The following AGAP1 variants were observed in gnomAD, a reference collection of about 807,000 sequenced individuals.
The protein encoded by AGAP1 is arf-GAP with GTPase, ANK repeat and PH domain-containing protein 1.
Under a neutral mutation model 105.3 loss-of-function variants are expected in AGAP1, and 29 were observed. That is an observed-to-expected ratio of 0.28 (90% CI 0.21 to 0.38). The LOEUF (loss-of-function observed/expected upper bound fraction) is 0.38. AGAP1 is among the 10% of genes least tolerant of loss of function. AGAP1 has a pLI of 1.00. For missense variants in AGAP1, 998 were observed against 1,165.1 expected, an observed-to-expected ratio of 0.86 and a Z score of 2.09; for synonymous variants, 509 against 485.9, an observed-to-expected ratio of 1.05 and a Z score of -0.63.
rs557808969 is a variant in AGAP1 at position 236,055,495 on chromosome 2, C to G, written c.2114+6214C>G. Among the ~76,000 whole-genome samples the G allele has an allele frequency of 6.6e-6, 1 of 152,336 alleles. No homozygotes were observed. Among genetic ancestry groups the G allele is most frequent in the South Asian group, 2.1e-4 (1 of 4,824 alleles). On this transcript the variant is annotated intron_variant, in intron 16 of 17. Coordinates refer to ENST00000304032, the MANE Select transcript of AGAP1 (RefSeq NM_001037131.3). The surrounding 1 kb of genome is among the most constrained non-coding windows in gnomAD (Gnocchi z 6.2). ...GGCTTAATTAATTGGCAGGAGCCCC[C>G]GAAAATGACAGTACCACTAATTGCA...
intron 1 of AGAP1, among the ~76,000 whole-genome samples, chr2:235,653,447 G>C (rs1325198155): frequency 2.6e-5 from 4 of 151,956 alleles, no homozygotes; most frequent in African/African-American, 9.7e-5. Flanking sequence ...CTGGGCGAAA[G>C]AGCGAAGCCT....
chr2:235,596,985 G>A lies in AGAP1; in HGVS notation c.163+102136G>A, dbSNP rs1487191663. ...CAGGAACCAAATTGACCAGTACCTT[G>A]AACTTGGACTTCCAGCTGCCAGAAC... is the stretch of plus-strand genomic sequence containing the variant. On this transcript the variant is annotated intron_variant, in intron 1 of 17. Coordinates refer to ENST00000304032, the MANE Select transcript of AGAP1 (RefSeq NM_001037131.3). The surrounding 1 kb of genome is among the most constrained non-coding windows in gnomAD (Gnocchi z 5.9). 6.6e-6 allele frequency among the ~76,000 whole-genome samples: 1 copy of A among 152,216 alleles called. No individual in the cohort carries two copies. Among genetic ancestry groups the A allele is most frequent in the Non-Finnish European group, 1.5e-5 (1 of 68,030 alleles).
intron 9 of AGAP1, among the ~76,000 whole-genome samples, chr2:235,832,506 C>A (rs566304399): frequency 6.6e-6 from 1 of 152,340 alleles, no homozygotes; most frequent in East Asian, 1.9e-4. Context: ...GGAGCATATA[C>A]AGTTCTTAAA....
intron 6 of AGAP1, among the ~76,000 whole-genome samples, chr2:235,766,019 C>T (rs1954921772): frequency 6.6e-6 from 1 of 152,148 alleles, no homozygotes; most frequent in African/African-American, 2.4e-5. Context: ...AGTAGCAAGG[C>T]AGGTGCTAGA....
At chr2:235,687,942 C>G (rs1440258652) in intron 1 of AGAP1, among the ~76,000 whole-genome samples, 2 of 128,600 alleles carry the variant, frequency 1.6e-5, no homozygotes, top group Non-Finnish European at 3.1e-5. Context: ...CACTCTGTCA[C>G]CCAGGCTGGA....
At chr2:236,018,302 C>G (rs547587182) in intron 13 of AGAP1, among the ~76,000 whole-genome samples, 14 of 152,256 alleles carry the variant, frequency 9.2e-5, no homozygotes, top group Admixed American at 9.2e-4. Context: ...GATCTAAATA[C>G]CAGATGACTG....
rs2059943214 is a variant in AGAP1 at position 236,123,255 on chromosome 2, T to C, written c.2371-664T>C. Among the ~76,000 whole-genome samples the C allele has an allele frequency of 6.6e-6, 1 of 152,102 alleles. No individual in the cohort carries two copies. Among genetic ancestry groups the C allele is most frequent in the Non-Finnish European group, 1.5e-5 (1 of 68,020 alleles). On this transcript the variant is annotated intron_variant, in intron 17 of 17. Transcript: ENST00000304032. This position sits in a 1 kb window ranked among gnomAD's most constrained non-coding sequence, Gnocchi z 4.6. ...GCCCAGCTAATTTTTTTAAAATGTG[T>C]TTTTTTCTAGAGACAGGGTCTCCCA...
chr2:236,104,921 C>T lies in AGAP1; in HGVS notation c.2115-15271C>T, dbSNP rs1210109674. 6.6e-6 allele frequency among the ~76,000 whole-genome samples: 1 copy of T among 152,050 alleles called. No homozygotes were observed. The highest frequency in any genetic ancestry group is 1.9e-4 in the East Asian group (1 of 5,178). ...TCTCAAGGAAAAAAAAAAGGACTAG[C>T]GTGCACAGAGCCCTCGAGGTACCAG... On this transcript the variant is annotated intron_variant, in intron 16 of 17. Coordinates refer to ENST00000304032, the MANE Select transcript of AGAP1 (RefSeq NM_001037131.3). The surrounding 1 kb of genome is among the most constrained non-coding windows in gnomAD (Gnocchi z 4.7).
intron 9 of AGAP1, among the ~76,000 whole-genome samples, chr2:235,862,194 A>T (rs948794681): frequency 6.6e-6 from 1 of 151,776 alleles, no homozygotes; most frequent in Non-Finnish European, 1.5e-5. Flanking sequence ...GCCCGGGACC[A>T]TGACTCTGAT....
rs150637326 is a variant in AGAP1 at position 236,020,034 on chromosome 2, T to C, written c.1646-16527T>C. On this transcript the variant is annotated intron_variant, in intron 13 of 17. Transcript: ENST00000304032. The surrounding 1 kb of genome is among the most constrained non-coding windows in gnomAD (Gnocchi z 5.0). ...TATGAGGCAGGCATGGGCGCCAGAC[T>C]CAAGCCCAGATCTTAACTCAGGTGG... Among the ~76,000 whole-genome samples, 1 of 152,322 alleles carries C rather than the reference T, an allele frequency of 6.6e-6. No individual in the cohort carries two copies. Among genetic ancestry groups the C allele is most frequent in the Non-Finnish European group, 1.5e-5 (1 of 68,028 alleles).
intron 12 of AGAP1, among the ~76,000 whole-genome samples, chr2:235,950,052 C>G (rs2125257937): frequency 6.6e-6 from 1 of 152,226 alleles, no homozygotes; most frequent in East Asian, 1.9e-4. Flanking sequence ...CTGGGAGATG[C>G]TTGGGCACAG....
chr2:235,602,858 C>T (rs569503319), intron 1 of AGAP1, among the ~76,000 whole-genome samples: 8 of 152,248 alleles, frequency 5.3e-5, no homozygotes, highest in East Asian at 1.9e-4. Context: ...CTTGCCACCA[C>T]GCCTGGCTAA....
Position 236,020,838 on chromosome 2 carries a change from C to T in AGAP1, c.1646-15723C>T, listed in dbSNP as rs142527710. 6.6e-6 allele frequency among the ~76,000 whole-genome samples: 1 copy of T among 152,152 alleles called. No individual in the cohort carries two copies. The highest frequency in any genetic ancestry group is 1.5e-5 in the Non-Finnish European group (1 of 68,038). On this transcript the variant is annotated intron_variant, in intron 13 of 17. Coordinates refer to ENST00000304032, the MANE Select transcript of AGAP1 (RefSeq NM_001037131.3). The surrounding 1 kb of genome is among the most constrained non-coding windows in gnomAD (Gnocchi z 5.0). ...TACAGAGCAGAGCTGGCCAAAGCCA[C>T]CCCTCCTCAGTGATGAGCAGCACCA...
Position 235,940,956 on chromosome 2 carries a change from C to T in AGAP1, c.1483+10033C>T, listed in dbSNP as rs925765310. On this transcript the variant is annotated intron_variant, in intron 12 of 17. Coordinates refer to ENST00000304032, the MANE Select transcript of AGAP1 (RefSeq NM_001037131.3). ...CAAATAGGAATAGTCCAAGTGGTGG[C>T]AGGGGTGGGGTGGCTTGGTGTATTT... Among the ~76,000 whole-genome samples, 3 of 152,186 alleles carry T rather than the reference C, an allele frequency of 2.0e-5. 1 individual carries two copies. The highest frequency in any genetic ancestry group is 7.2e-5 in the African/African-American group (3 of 41,444).
intron 6 of AGAP1, among the ~76,000 whole-genome samples, chr2:235,781,571 G>A (rs1394676636): frequency 3.3e-5 from 5 of 152,096 alleles, no homozygotes; most frequent in African/African-American, 4.8e-5. Context: ...GTCTTTATTG[G>A]AGACTAAATC....
chr2:236,098,238 T>C (rs1343942374), intron 16 of AGAP1, among the ~76,000 whole-genome samples: 1 of 152,200 alleles, frequency 6.6e-6, no homozygotes, highest in East Asian at 1.9e-4. Context: ...AATTCCACGC[T>C]GAACCGTCAT....
intron 1 of AGAP1, among the ~76,000 whole-genome samples, chr2:235,531,130 A>G (rs760078985): frequency 3.3e-5 from 5 of 152,236 alleles, no homozygotes; most frequent in Non-Finnish European, 7.3e-5. Context: ...GACTCAGCAC[A>G]AGGAGTCTTA....
At position 235,893,944 on chromosome 2, in the gene AGAP1, C is replaced by T. The variant is rs974555518; in HGVS notation, c.1155+10495C>T. Among the ~76,000 whole-genome samples, 23 of 152,168 alleles carry T rather than the reference C, an allele frequency of 1.5e-4. No individual in the cohort carries two copies. The highest frequency in any genetic ancestry group is 2.1e-4 in the South Asian group (1 of 4,826). On this transcript the variant is annotated intron_variant, in intron 10 of 17. Transcript: ENST00000304032. The surrounding 1 kb of genome is among the most constrained non-coding windows in gnomAD (Gnocchi z 4.7). ...TACTCACCATGTCTTACAACATGAC[C>T]TCCCTAAACTGACATAGGGTTGGGT...
rs180748369 is a variant in AGAP1 at position 236,042,337 on chromosome 2, C to T, written c.1891+1496C>T. Among the ~76,000 whole-genome samples the T allele has an allele frequency of 6.6e-6, 1 of 152,232 alleles. No individual in the cohort carries two copies. Among genetic ancestry groups the T allele is most frequent in the African/African-American group, 2.4e-5 (1 of 41,550 alleles). ...GAGATCAAAAGTCTGTCTGCGGCCTCTCTGGAAGCCTGTCCTGCGGGTGAG... is the reference window on the plus strand; with the variant it reads ...GAGATCAAAAGTCTGTCTGCGGCCTTTCTGGAAGCCTGTCCTGCGGGTGAG... On this transcript the variant is annotated intron_variant, in intron 15 of 17. Transcript: ENST00000304032. This position sits in a 1 kb window ranked among gnomAD's most constrained non-coding sequence, Gnocchi z 5.6.
Sources: gnomAD v4.1 joint callset for allele counts (sites outside exome capture counted in the v4.1 genomes callset) on GRCh38, gnomAD v4.1.1 for gene constraint, Gnocchi (gnomAD v3.1) non-coding constraint, MANE v1.5 for transcripts, NCBI Gene and HGNC (gene_info 2026-07-23, HGNC 2026-07-21) for gene names.